PTPRD: variants seen among roughly 807,000 people sequenced by gnomAD.
The protein encoded by PTPRD is receptor-type tyrosine-protein phosphatase delta.
PTPRD carries 34 observed loss-of-function variants against 214.5 expected under a neutral mutation model. The observed-to-expected ratio is 0.16, with a 90% CI of 0.12 to 0.21. The LOEUF is 0.21. PTPRD is among the 10% of genes least tolerant of loss of function. The pLI, the probability that PTPRD is intolerant of heterozygous loss-of-function variation, is 1.00. For synonymous variants in PTPRD, 1,128 were observed against 845.7 expected (o/e 1.33, Z -5.79); for missense variants, 2,545 against 2,398.7 (o/e 1.06, Z -1.27).
intron 2 of PTPRD, among the ~76,000 whole-genome samples, chr9:10,449,087 CCA>C (rs2098819087): frequency 6.6e-6 from 1 of 151,938 alleles, no homozygotes; most frequent in African/African-American, 2.4e-5. Context: ...CCTCTGATGC[CCA>C]GCCGAGGCTG....
At chr9:8,601,015 G>C (rs533971267) in intron 14 of PTPRD, among the ~76,000 whole-genome samples, 10 of 152,120 alleles carry the variant, frequency 6.6e-5, no homozygotes, top group Non-Finnish European at 1.2e-4. Context: ...GGGCCAAAGA[G>C]CTGATCGCCT....
chr9:9,649,710 A>C (rs2096285074), intron 7 of PTPRD, among the ~76,000 whole-genome samples: 1 of 152,192 alleles, frequency 6.6e-6, no homozygotes, highest in Non-Finnish European at 1.5e-5. Context: ...GAGTGGGATA[A>C]TGTATTTCAT....
intron 8 of PTPRD, among the ~76,000 whole-genome samples, chr9:9,483,767 T>C (rs929385041): frequency 1.3e-5 from 2 of 151,610 alleles, no homozygotes; most frequent in African/African-American, 4.8e-5. Context: ...ACAAAGAAAG[T>C]AATGTCTTCT....
intron 5 of PTPRD, among the ~76,000 whole-genome samples, chr9:9,914,407 CT>C (rs1012389317): frequency 1.3e-5 from 2 of 152,202 alleles, no homozygotes; most frequent in African/African-American, 4.8e-5. Context: ...GTGTCCACCC[CT>C]AGTGGACATG....
At chr9:9,574,873 A>C (rs1268530326) in intron 7 of PTPRD, 92 bp from the exon 8 acceptor site, 1 of 152,136 alleles carries the variant, frequency 6.6e-6, no homozygotes, top group East Asian at 1.9e-4. Context: ...AATATGAGAA[A>C]TGTTATTATA....
At chr9:10,369,008 T>A (rs1422124190) in intron 2 of PTPRD, among the ~76,000 whole-genome samples, 1 of 151,876 alleles carries the variant, frequency 6.6e-6, no homozygotes, top group Admixed American at 6.6e-5. Flanking sequence ...GTGTTTTTTT[T>A]AATTATGTTT....
At chr9:8,433,017 T>C (rs892438010) in intron 35 of PTPRD, among the ~76,000 whole-genome samples, 8 of 152,212 alleles carry the variant, frequency 5.3e-5, no homozygotes, top group Non-Finnish European at 7.3e-5. Flanking sequence ...TTCTTGAAAA[T>C]TCCACATTTA....
At chr9:9,498,396 A>T (rs1467332994) in intron 8 of PTPRD, among the ~76,000 whole-genome samples, 5 of 152,158 alleles carry the variant, frequency 3.3e-5, no homozygotes, top group South Asian at 2.1e-4. Context: ...GCTGTAATTT[A>T]AATCCAGGTT....
At chr9:10,556,220 A>G (rs911267482) in intron 2 of PTPRD, among the ~76,000 whole-genome samples, 8 of 152,118 alleles carry the variant, frequency 5.3e-5, no homozygotes, top group Non-Finnish European at 1.2e-4. Flanking sequence ...TAGAGAAATT[A>G]CTAAGTAGAT....
intron 3 of PTPRD, among the ~76,000 whole-genome samples, chr9:10,164,204 T>C (rs572261889): frequency 6.6e-6 from 1 of 151,674 alleles, no homozygotes; most frequent in East Asian, 1.9e-4. Flanking sequence ...TATAATAATA[T>C]CTTCAGGTTT....
chr9:9,038,518 GC>G (rs892427250), intron 10 of PTPRD, among the ~76,000 whole-genome samples: 8 of 151,162 alleles, frequency 5.3e-5, no homozygotes, highest in Admixed American at 2.0e-4. Flanking sequence ...TAAGTGGGGG[GC>G]TAATTTAATA....
intron 3 of PTPRD, among the ~76,000 whole-genome samples, chr9:10,293,467 A>G (rs1345030286): frequency 6.6e-6 from 1 of 151,986 alleles, no homozygotes; most frequent in Non-Finnish European, 1.5e-5. Flanking sequence ...TCAGAAACAA[A>G]CAAACAAACA....
chr9:10,185,040 T>C (rs1221059760), intron 3 of PTPRD, among the ~76,000 whole-genome samples: 2 of 152,144 alleles, frequency 1.3e-5, no homozygotes, highest in South Asian at 2.1e-4. Flanking sequence ...AGGAGATTAA[T>C]GCAGTATAAA....
intron 3 of PTPRD, among the ~76,000 whole-genome samples, chr9:10,084,289 T>A (rs2098292529): frequency 6.6e-6 from 1 of 152,004 alleles, no homozygotes; most frequent in Non-Finnish European, 1.5e-5. Flanking sequence ...CCAAAGATAA[T>A]ATAAATCCTT....
At chr9:10,311,453 A>G (rs1006607574) in intron 3 of PTPRD, among the ~76,000 whole-genome samples, 3 of 152,038 alleles carry the variant, frequency 2.0e-5, no homozygotes, top group African/African-American at 7.2e-5. Context: ...TCTTCAAAGA[A>G]TCCTCATCTT....
chr9:9,986,078 T>G (rs528782769), intron 4 of PTPRD, among the ~76,000 whole-genome samples: 1 of 152,290 alleles, frequency 6.6e-6, no homozygotes, highest in East Asian at 1.9e-4. Flanking sequence ...TAATTAAAAC[T>G]GTATTCATTA....
intron 10 of PTPRD, among the ~76,000 whole-genome samples, chr9:9,165,775 G>C (rs17590562): frequency 0.019 from 2,916 of 152,204 alleles, 45 homozygotes; most frequent in Non-Finnish European, 0.029. Context: ...GATATTAAAG[G>C]ATGTCTTCTT....
At chr9:8,344,614 G>A (rs901119255) in intron 39 of PTPRD, among the ~76,000 whole-genome samples, 1 of 151,944 alleles carries the variant, frequency 6.6e-6, no homozygotes, top group East Asian at 1.9e-4. Flanking sequence ...CTATTCATAT[G>A]GAAGATAGGG....
At chr9:9,476,513 A>G (rs980892609) in intron 8 of PTPRD, among the ~76,000 whole-genome samples, 2 of 152,176 alleles carry the variant, frequency 1.3e-5, no homozygotes, top group Non-Finnish European at 2.9e-5. Context: ...CAGTTTACAC[A>G]TTTGTCTTCT....
Sources: allele counts gnomAD v4.1 joint callset (sites outside exome capture counted in the v4.1 genomes callset), GRCh38; gene constraint gnomAD v4.1.1; transcripts MANE v1.5; gene names NCBI Gene and HGNC (gene_info 2026-07-23, HGNC 2026-07-21).